Variants in ASPRV1 observed in about 807,000 individuals in gnomAD.
ASPRV1 encodes retroviral-like aspartic protease 1.
In ASPRV1, 7 loss-of-function variants were observed where a neutral mutation model predicts 11.0. The ratio of observed to expected loss-of-function variants is 0.64; its 90% CI spans 0.36 to 1.20. ASPRV1 has a LOEUF of 1.20. Among genes scored for constraint, ASPRV1 ranks in the 50% most tolerant of loss-of-function variants. The pLI is 0.02. For missense variants in ASPRV1, 299 were observed against 320.0 expected (o/e 0.93, Z 0.50); for synonymous variants, 136 against 138.4 (o/e 0.98, Z 0.12).
chr2:69,980,142 C>T, the ASPRV1 span, among the ~76,000 whole-genome samples: 1 of 152,360 alleles, frequency 6.6e-6, no homozygotes, highest in East Asian at 1.9e-4. Context: ...ATGGCCCCTT[C>T]AGTGACTTAG....
chr2:69,948,950 G>A, the ASPRV1 span, among the ~76,000 whole-genome samples: 1 of 151,632 alleles, frequency 6.6e-6, no homozygotes, highest in African/African-American at 2.4e-5. Context: ...CTGCCTGGCC[G>A]CTCCCCCCGG....
chr2:70,080,415 CAG>C, the ASPRV1 span, among the ~76,000 whole-genome samples: 1 of 152,156 alleles, frequency 6.6e-6, no homozygotes, highest in South Asian at 2.1e-4. Context: ...TTAGTAGAGA[CAG>C]GGTTTCACCA....
chr2:70,070,381 G>C, the ASPRV1 span: 1 of 152,140 alleles, frequency 6.6e-6, no homozygotes, highest in African/African-American at 2.4e-5. Flanking sequence ...ACTAGGACTA[G>C]TATTCCAAGA....
chr2:70,061,086 C>A, the ASPRV1 span, among the ~76,000 whole-genome samples: 1 of 151,894 alleles, frequency 6.6e-6, no homozygotes, highest in Non-Finnish European at 1.5e-5. Flanking sequence ...GGAGATAATG[C>A]TTACTTGACA....
chr2:70,019,699 G>T, the ASPRV1 span, among the ~76,000 whole-genome samples: 2 of 152,128 alleles, frequency 1.3e-5, no homozygotes, highest in Admixed American at 1.3e-4. Context: ...CTTATATATG[G>T]AGTATAAAAT....
the ASPRV1 span, among the ~76,000 whole-genome samples, chr2:70,054,399 C>A: frequency 6.6e-6 from 1 of 151,802 alleles, no homozygotes; most frequent in Non-Finnish European, 1.5e-5. Flanking sequence ...CACGGTGAAA[C>A]CCCGTCTCTA....
the ASPRV1 span, among the ~76,000 whole-genome samples, chr2:70,043,967 C>A: frequency 6.6e-6 from 1 of 152,100 alleles, no homozygotes; most frequent in Non-Finnish European, 1.5e-5. Context: ...GTGAAGGAAA[C>A]CAAGTATTTC....
At chr2:69,954,961 T>TA in the ASPRV1 span, among the ~76,000 whole-genome samples, 1 of 152,190 alleles carries the variant, frequency 6.6e-6, no homozygotes, top group African/African-American at 2.4e-5. Flanking sequence ...AGCTCAGAGT[T>TA]ACACAGTTCT....
the ASPRV1 span, chr2:69,937,113 G>GT: frequency 7.9e-7 from 1 of 1,267,536 alleles, no homozygotes; most frequent in Non-Finnish European, 1.2e-6. Flanking sequence ...AGCTTGATGA[G>GT]TGGCACCGAA....
chr2:69,979,646 C>A, the ASPRV1 span, among the ~76,000 whole-genome samples: 1 of 152,168 alleles, frequency 6.6e-6, no homozygotes, highest in Non-Finnish European at 1.5e-5. Context: ...GAGTGACAGG[C>A]CCCTTGCCTG....
At chr2:69,955,831 T>C (rs1019003326), downstream of ASPRV1, among the ~76,000 whole-genome samples, 2 of 152,050 alleles carry the variant, frequency 1.3e-5, no homozygotes, top group East Asian at 1.9e-4. Flanking sequence ...GAACTCATAA[T>C]AGAGAGAGGG....
At chr2:70,085,945 A>C in the ASPRV1 span, 1 of 152,220 alleles carries the variant, frequency 6.6e-6, no homozygotes, top group Non-Finnish European at 1.5e-5. Context: ...AATTAAACAG[A>C]GGTTTCTAAA....
chr2:70,030,913 C>T, the ASPRV1 span: 1 of 152,170 alleles, frequency 6.6e-6, no homozygotes, highest in Non-Finnish European at 1.5e-5. Flanking sequence ...TGCAACACAG[C>T]AAAATCACTG....
the ASPRV1 span, among the ~76,000 whole-genome samples, chr2:70,080,033 G>A: frequency 2.0e-5 from 3 of 152,160 alleles, no homozygotes; most frequent in Admixed American, 6.6e-5. Context: ...AGAGAAATGA[G>A]TTATTTAAAT....
the ASPRV1 span, among the ~76,000 whole-genome samples, chr2:69,999,095 A>C: frequency 6.6e-6 from 1 of 152,156 alleles, no homozygotes; most frequent in African/African-American, 2.4e-5. Flanking sequence ...ATCTAGATTA[A>C]TATTTATTTT....
At chr2:70,076,324 T>A in the ASPRV1 span, among the ~76,000 whole-genome samples, 1 of 152,264 alleles carries the variant, frequency 6.6e-6, no homozygotes, top group African/African-American at 2.4e-5. Context: ...GTCATTTATA[T>A]GCTGTGTGAC....
chr2:70,032,493 C>CA, the ASPRV1 span, among the ~76,000 whole-genome samples: 1,789 of 92,266 alleles, frequency 0.019, 20 homozygotes, highest in African/African-American at 0.051. Flanking sequence ...TTGGTCTCTA[C>CA]AAAAAAAAAA....
chr2:70,029,723 G>C, the ASPRV1 span, among the ~76,000 whole-genome samples: 1 of 152,140 alleles, frequency 6.6e-6, no homozygotes, highest in African/African-American at 2.4e-5. Context: ...CACTTTGCTT[G>C]TCAGAAGCAG....
At chr2:69,951,862 T>C in the ASPRV1 span, among the ~76,000 whole-genome samples, 1 of 152,170 alleles carries the variant, frequency 6.6e-6, no homozygotes, top group African/African-American at 2.4e-5. Flanking sequence ...TTTTCATAAA[T>C]TGATTTTTAG....
Sources: allele counts gnomAD v4.1 joint callset (sites outside exome capture counted in the v4.1 genomes callset), GRCh38; gene constraint gnomAD v4.1.1; transcripts MANE v1.5; gene names NCBI Gene and HGNC (gene_info 2026-07-23, HGNC 2026-07-21).